CNBD1: variants seen among roughly 807,000 people sequenced by gnomAD.
CNBD1 encodes the protein cyclic nucleotide binding domain containing 1, also known as cyclic nucleotide-binding domain-containing protein 1.
In CNBD1, 71 loss-of-function variants were observed where a neutral mutation model predicts 54.4. The ratio of observed to expected loss-of-function variants is 1.30; its 90% CI spans 1.08 to 1.59. The LOEUF (loss-of-function observed/expected upper bound fraction) is 1.59. Ranked by LOEUF, CNBD1 falls within the 40% of genes most tolerant of loss-of-function variation. CNBD1 has a pLI of 0.00. For synonymous variants in CNBD1, 182 were observed against 170.7 expected (o/e 1.07, Z -0.51); for missense variants, 659 against 518.0 (o/e 1.27, Z -2.64).
intron 1 of CNBD1, among the ~76,000 whole-genome samples, chr8:86,872,209 A>G (rs1335710190): frequency 2.0e-5 from 3 of 151,940 alleles, no homozygotes; most frequent in African/African-American, 7.3e-5. Flanking sequence ...TCTTCACCAT[A>G]TTGTCATGCC....
chr8:87,337,484 C>T (rs1305408879), intron 8 of CNBD1, among the ~76,000 whole-genome samples: 1 of 152,218 alleles, frequency 6.6e-6, no homozygotes, highest in African/African-American at 2.4e-5. Context: ...GCTTAGACTG[C>T]AGGCAGCTTC....
chr8:87,378,633 G>A (rs1256936364), intron 10 of CNBD1, among the ~76,000 whole-genome samples: 2 of 148,116 alleles, frequency 1.4e-5, no homozygotes, highest in African/African-American at 2.5e-5. Context: ...ACTTGGCTCT[G>A]CAGGCTCTTT....
chr8:87,345,326 G>A (rs893471419), intron 8 of CNBD1, among the ~76,000 whole-genome samples: 10 of 152,192 alleles, frequency 6.6e-5, no homozygotes, highest in Non-Finnish European at 1.5e-4. Flanking sequence ...CAATTCTTAT[G>A]TTATTTGAAA....
At position 87,029,656 on chromosome 8, in the gene CNBD1, C is replaced by T. The variant is rs139964345; in HGVS notation, c.431+89902C>T. On this transcript the variant is annotated intron_variant, in intron 4 of 10. Coordinates refer to ENST00000518476, the MANE Select transcript of CNBD1 (RefSeq NM_173538.3). Reference sequence around the variant, plus strand: ...AAAAGTGATTGCCTTTTATGAGAGACGAGAGGAGGAGTGAGAAAGGGCCTC... The same window carrying T: ...AAAAGTGATTGCCTTTTATGAGAGATGAGAGGAGGAGTGAGAAAGGGCCTC... 5.1e-3 allele frequency among the ~76,000 whole-genome samples: 778 copies of T among 151,428 alleles called. 12 individuals are homozygous for T. The highest frequency in any genetic ancestry group is 0.018 in the African/African-American group (741 of 41,254).
At chr8:87,265,140 C>T (rs527358958) in intron 6 of CNBD1, among the ~76,000 whole-genome samples, 1 of 152,198 alleles carries the variant, frequency 6.6e-6, no homozygotes, top group East Asian at 1.9e-4. Context: ...TTAGGTCTAA[C>T]ATGTGAGTCT....
intron 10 of CNBD1, among the ~76,000 whole-genome samples, chr8:87,362,204 T>C (rs867074899): frequency 3.9e-5 from 6 of 152,100 alleles, no homozygotes; most frequent in Non-Finnish European, 7.4e-5. Flanking sequence ...CCATACATCA[T>C]GAAGACCATA....
chr8:87,173,663 TA>T (rs1012770012), intron 4 of CNBD1, among the ~76,000 whole-genome samples: 1 of 105,050 alleles, frequency 9.5e-6, no homozygotes, highest in Non-Finnish European at 1.9e-5. Flanking sequence ...CATTATATGT[TA>T]TTTTTTTTTT....
At chr8:86,947,398 C>T (rs1159772889) in intron 4 of CNBD1, among the ~76,000 whole-genome samples, 1 of 152,012 alleles carries the variant, frequency 6.6e-6, no homozygotes, top group Non-Finnish European at 1.5e-5. Flanking sequence ...AATTTGGTTT[C>T]CAAATGAGCC....
intron 6 of CNBD1, among the ~76,000 whole-genome samples, chr8:87,256,015 ATTTTTTTTTTTT>A (rs1212667153): frequency 3.8e-4 from 6 of 15,780 alleles, no homozygotes; most frequent in East Asian, 2.1e-3. Flanking sequence ...ATATATATAT[ATTTTTTTTTTTT>A]TTTTTTTTTT....
chr8:87,422,751 A>C (rs1272049305), intron 2 of CNBD1, among the ~76,000 whole-genome samples: 1 of 152,160 alleles, frequency 6.6e-6, no homozygotes, highest in Non-Finnish European at 1.5e-5. Flanking sequence ...TGACTTGACG[A>C]TGCGGGCTCT....
intron 2 of CNBD1, among the ~76,000 whole-genome samples, chr8:87,404,796 TAGTC>T (rs966164384): frequency 3.3e-5 from 5 of 151,566 alleles, no homozygotes; most frequent in African/African-American, 1.2e-4. Flanking sequence ...CTTCTGCTAC[TAGTC>T]AGTCATCCTT....
Position 87,303,762 on chromosome 8 carries a change from T to A in CNBD1, c.1042+17091T>A, listed in dbSNP as rs562535199. ...TCTGACAAAGAGCTAATATCCAGAA[T>A]CTACAATGAACTCAAACAAATTTAC... On this transcript the variant is annotated intron_variant, in intron 8 of 10. Transcript: ENST00000518476. Among the ~76,000 whole-genome samples the A allele has an allele frequency of 8.2e-4, 110 of 134,544 alleles. 1 individual carries two copies. Among genetic ancestry groups the A allele is most frequent in the African/African-American group, 2.9e-3 (103 of 35,814 alleles). The allele number at this position is 134,544 out of a possible 152,430, so 88.3% of individuals were successfully genotyped here.
chr8:87,084,299 C>T (rs1811056301), intron 4 of CNBD1, among the ~76,000 whole-genome samples: 1 of 152,114 alleles, frequency 6.6e-6, no homozygotes, highest in Admixed American at 6.5e-5. Flanking sequence ...TATTTAGATT[C>T]AGTTTCTGTC....
chr8:86,968,672 A>C (rs1167129597), intron 4 of CNBD1, among the ~76,000 whole-genome samples: 2 of 152,216 alleles, frequency 1.3e-5, no homozygotes, highest in Non-Finnish European at 2.9e-5. Context: ...AAAAGGACAG[A>C]ATGGTTGCAT....
chr8:87,043,979 G>A (rs1810128502), intron 4 of CNBD1, among the ~76,000 whole-genome samples: 1 of 152,098 alleles, frequency 6.6e-6, no homozygotes, highest in Non-Finnish European at 1.5e-5. Context: ...TTGCTTTAAT[G>A]TCTTTGGTAG....
chr8:86,917,873 C>A (rs1563821466), intron 3 of CNBD1, among the ~76,000 whole-genome samples: 1 of 152,102 alleles, frequency 6.6e-6, no homozygotes, highest in Non-Finnish European at 1.5e-5. Flanking sequence ...ATTTACCTGA[C>A]AGAAACAAAG....
chr8:87,270,158 C>T (rs1046793569), intron 6 of CNBD1, among the ~76,000 whole-genome samples: 7 of 151,790 alleles, frequency 4.6e-5, no homozygotes, highest in Admixed American at 3.9e-4. Context: ...ATAATAAAAA[C>T]CACATGATCA....
At chr8:87,207,302 T>C (rs777019289) in intron 5 of CNBD1, among the ~76,000 whole-genome samples, 6 of 152,072 alleles carry the variant, frequency 3.9e-5, no homozygotes, top group Non-Finnish European at 7.4e-5. Context: ...TATACATATT[T>C]TGATATATCT....
intron 4 of CNBD1, among the ~76,000 whole-genome samples, chr8:86,968,541 G>A (rs1808145113): frequency 6.6e-6 from 1 of 152,174 alleles, no homozygotes; most frequent in South Asian, 2.1e-4. Flanking sequence ...CAAAGTTAAG[G>A]ACGTGCACCA....
Sources: gnomAD v4.1 joint callset for allele counts (sites outside exome capture counted in the v4.1 genomes callset) on GRCh38, gnomAD v4.1.1 for gene constraint, MANE v1.5 for transcripts, NCBI Gene and HGNC (gene_info 2026-07-23, HGNC 2026-07-21) for gene names.